The following YARS1 variants were observed in gnomAD, a reference collection of about 807,000 sequenced individuals.
YARS1 encodes tyrosyl-tRNA synthetase 1, also known as tyrosine--tRNA ligase, cytoplasmic.
In YARS1, 36 loss-of-function variants were observed where a neutral mutation model predicts 62.2. That is an observed-to-expected ratio of 0.58 (90% CI 0.44 to 0.76). YARS1 has a LOEUF of 0.76. YARS1 is among the 30% of genes least tolerant of loss of function. The probability of loss-of-function intolerance (pLI) is 0.00; values close to 1 mark genes in which losing one functional copy is unlikely to be tolerated. For synonymous variants in YARS1, 234 were observed against 244.9 expected (o/e 0.96, Z 0.42); for missense variants, 524 against 639.8 (o/e 0.82, Z 1.95).
intron 8 of YARS1, 80 bp from the exon 9 acceptor site, chr1:32,782,619 G>A: frequency 6.3e-7 from 1 of 1,593,726 alleles, no homozygotes. Flanking sequence ...GTAGGATCAA[G>A]GGAGTTTTTC....
At chr1:32,791,407 C>G (rs944876753) in intron 5 of YARS1, among the ~76,000 whole-genome samples, 153 bp from the exon 6 acceptor site, 2 of 152,182 alleles carry the variant, frequency 1.3e-5, no homozygotes, top group Admixed American at 6.6e-5. Flanking sequence ...GACTGTAATT[C>G]AAGCGAAGTT....
chr1:32,778,266 G>A (rs1652934178), intron 12 of YARS1, among the ~76,000 whole-genome samples: 1 of 152,204 alleles, frequency 6.6e-6, no homozygotes, highest in Non-Finnish European at 1.5e-5. Flanking sequence ...TTTGTTAAAT[G>A]AATGAGTGAA....
chr1:32,808,310 C>G (rs1474719464), intron 3 of YARS1, among the ~76,000 whole-genome samples: 2 of 151,752 alleles, frequency 1.3e-5, no homozygotes, highest in East Asian at 1.9e-4. Context: ...ACCTCTGCCC[C>G]GTGGGTTCAA....
At position 32,791,872 on chromosome 1, in the gene YARS1, G is replaced by A. The variant is rs114400708; in HGVS notation, c.592-618C>T. On this transcript the variant is annotated intron_variant, in intron 5 of 12. Coordinates refer to ENST00000373477, the MANE Select transcript of YARS1 (RefSeq NM_003680.4). ...CCCAACAGGGCAGCAAATCTTGAGC[G>A]AAGGGAAGTAAGGTGACCACACTTG... Among the ~76,000 whole-genome samples, 1,020 of 152,220 alleles carry A rather than the reference G, an allele frequency of 6.7e-3. 17 individuals carry two copies. Among genetic ancestry groups the A allele is most frequent in the African/African-American group, 0.023 (960 of 41,546 alleles).
Position 32,781,131 on chromosome 1 carries a change from C to A in YARS1, c.1057G>T (p.Gly353Cys). 1 of 1,614,108 alleles carries A rather than the reference C, an allele frequency of 6.2e-7. No homozygotes were observed. The highest frequency in any genetic ancestry group is 8.5e-7 in the Non-Finnish European group (1 of 1,180,042). ...TCTGGTTCTGAATTCTTGGCAGGGC[C>A]TTTGGCCATTGGCTCTGGGAATGAG... ...DPSKQKPMAKGPAKNSEPEEV... is the reference protein window; with the variant it reads ...DPSKQKPMAKCPAKNSEPEEV... The change falls in exon 10 of 13, where the codon GGC becomes TGC. Residue 353 changes from glycine (G) to cysteine (C), a missense_variant. Transcript: ENST00000373477.
At chr1:32,816,405 G>A (rs537628016) in intron 1 of YARS1, among the ~76,000 whole-genome samples, 1 of 152,224 alleles carries the variant, frequency 6.6e-6, no homozygotes, top group African/African-American at 2.4e-5. Context: ...ACAAAAAAAA[G>A]GCAGAGCAAG....
At chr1:32,811,181 C>T in intron 1 of YARS1, 124 bp from the exon 2 acceptor site, 1 of 1,430,798 alleles carries the variant, frequency 7.0e-7, no homozygotes, top group Non-Finnish European at 9.8e-7. Context: ...TCAAGGAGGT[C>T]CAGCCATGTT....
chr1:32,788,210 GTCTA>G (rs1653299837), intron 6 of YARS1, among the ~76,000 whole-genome samples: 2 of 152,154 alleles, frequency 1.3e-5, no homozygotes, highest in South Asian at 4.1e-4. Context: ...GAGAATAAAT[GTCTA>G]TCTTTTAAGT....
chr1:32,791,251 G>C lies in YARS1; in HGVS notation c.595C>G (p.Leu199Val). 1.2e-6 allele frequency: 2 copies of C among 1,613,466 alleles called. No individual in the cohort carries two copies. Among genetic ancestry groups the C allele is most frequent in the Non-Finnish European group, 8.5e-7 (1 of 1,179,418 alleles). ...RKIFTFAEKY[L>V]PALGYSKRVH... ...CGTTTTGAATAGCCAAGTGCAGGGA[G>C]GTACTGAGAGATTAGAGAAACACAC... The change falls in exon 6 of 13, where the codon CTC becomes GTC. Residue 199 changes from leucine (L) to valine (V), a missense_variant. Coordinates refer to ENST00000373477, the MANE Select transcript of YARS1 (RefSeq NM_003680.4).
intron 4 of YARS1, among the ~76,000 whole-genome samples, chr1:32,798,715 A>G (rs1306830562): frequency 6.6e-6 from 1 of 152,194 alleles, no homozygotes; most frequent in Non-Finnish European, 1.5e-5. Flanking sequence ...CCAGCTACTC[A>G]GGAGGCTGAG....
rs1041740029 is a variant in YARS1, at chr1:32,787,159, C to T, written c.685-84G>A. On this transcript the variant is annotated intron_variant, in intron 6 of 12. Transcript: ENST00000373477. ...TAATATAAGTTAAATTTTGTTTTTT[C>T]TTCTCTGTCACCCAGGCTGGAGTGC... 35 of 1,537,560 alleles carry T rather than the reference C, an allele frequency of 2.3e-5. No homozygotes were observed. In the African/African-American group the frequency reaches 4.0e-4, roughly 17 times the overall value.
At chr1:32,808,328 T>A (rs1173290269) in intron 3 of YARS1, among the ~76,000 whole-genome samples, 1 of 151,834 alleles carries the variant, frequency 6.6e-6, no homozygotes, top group African/African-American at 2.4e-5. Flanking sequence ...CAAGCGATTA[T>A]CCTGCCTCAG....
At chr1:32,801,665 A>G (rs928487346) in intron 4 of YARS1, among the ~76,000 whole-genome samples, 8 of 152,356 alleles carry the variant, frequency 5.3e-5, no homozygotes, top group Non-Finnish European at 8.8e-5. Context: ...GCTGTTTGAT[A>G]GCATTCTGTC....
intron 8 of YARS1, among the ~76,000 whole-genome samples, chr1:32,785,472 A>C (rs1163647504): frequency 5.3e-5 from 8 of 150,588 alleles, no homozygotes; most frequent in East Asian, 3.9e-4. Context: ...AAAAAAAAAA[A>C]CCCCACAAAA....
At chr1:32,784,460 T>C (rs1387154251) in intron 8 of YARS1, among the ~76,000 whole-genome samples, 1 of 151,988 alleles carries the variant, frequency 6.6e-6, no homozygotes, top group Non-Finnish European at 1.5e-5. Flanking sequence ...ATAATCCCCC[T>C]CCTCACCTTT....
At chr1:32,797,025 T>A (rs1366905985) in intron 5 of YARS1, among the ~76,000 whole-genome samples, 43 of 54,024 alleles carry the variant, frequency 8.0e-4, no homozygotes, top group Non-Finnish European at 9.8e-4. Flanking sequence ...TATATATATA[T>A]ATATATATAT....
chr1:32,779,361 G>A (rs780577016), intron 12 of YARS1, 21 bp downstream of exon 12: 9 of 1,614,046 alleles, frequency 5.6e-6, no homozygotes, highest in Non-Finnish European at 7.6e-6. Context: ...GCCAAGAAAG[G>A]GAACAATTAC....
Position 32,797,850 on chromosome 1 carries a change from A to G in YARS1, c.511-7T>C, listed in dbSNP as rs1398480875. Reference sequence around the variant, plus strand: ...AATACTCTTCATCCAAAGCCTGTGGAAAGAAACACATGAACATAAACATCT... The same window carrying G: ...AATACTCTTCATCCAAAGCCTGTGGGAAGAAACACATGAACATAAACATCT... On this transcript the variant is annotated splice_region_variant and splice_polypyrimidine_tract_variant and intron_variant, in intron 4 of 12. Coordinates refer to ENST00000373477, the MANE Select transcript of YARS1 (RefSeq NM_003680.4). 6.2e-7 allele frequency: 1 copy of G among 1,612,204 alleles called. No individual in the cohort carries two copies. Among genetic ancestry groups the G allele is most frequent in the Admixed American group, 1.7e-5 (1 of 60,004 alleles).
intron 5 of YARS1, among the ~76,000 whole-genome samples, chr1:32,793,449 C>T (rs370078347): frequency 1.6e-3 from 237 of 152,254 alleles, no homozygotes; most frequent in African/African-American, 5.3e-3. Flanking sequence ...TTGAGACTAG[C>T]TTGGCCAACA....
Sources: allele counts gnomAD v4.1 joint callset (sites outside exome capture counted in the v4.1 genomes callset), GRCh38; gene constraint gnomAD v4.1.1; transcripts MANE v1.5; gene names NCBI Gene and HGNC (gene_info 2026-07-23, HGNC 2026-07-21).